Variants in SLCO6A1 observed in about 807,000 individuals in gnomAD.
SLCO6A1 encodes cancer/testis antigen 48.
Under a neutral mutation model 72.7 loss-of-function variants are expected in SLCO6A1, and 65 were observed. That is an observed-to-expected ratio of 0.89 (90% CI 0.73 to 1.10). The LOEUF (loss-of-function observed/expected upper bound fraction) is 1.10. Among genes scored for constraint, SLCO6A1 ranks in the 50% least tolerant of loss-of-function variants. The pLI, the probability that SLCO6A1 is intolerant of heterozygous loss-of-function variation, is 0.00. For missense variants in SLCO6A1, 874 were observed against 872.6 expected (o/e 1.00, Z -0.02); for synonymous variants, 314 against 298.2 (o/e 1.05, Z -0.55).
intron 10 of SLCO6A1, among the ~76,000 whole-genome samples, chr5:102,392,508 G>A (rs1309204281): frequency 6.6e-6 from 1 of 152,028 alleles, no homozygotes; most frequent in African/African-American, 2.4e-5. Flanking sequence ...TTATTCATAA[G>A]TATAATCATT....
At chr5:102,476,056 G>A (rs533149382) in intron 3 of SLCO6A1, among the ~76,000 whole-genome samples, 1 of 152,068 alleles carries the variant, frequency 6.6e-6, no homozygotes, top group Non-Finnish European at 1.5e-5. Flanking sequence ...GGACCAGGGG[G>A]TAATGGTGAG....
chr5:102,474,499 C>T (rs1323293143), intron 4 of SLCO6A1, among the ~76,000 whole-genome samples: 1 of 151,996 alleles, frequency 6.6e-6, no homozygotes, highest in East Asian at 1.9e-4. Context: ...GAGAATGCTT[C>T]ATGCCATTGG....
chr5:102,467,032 T>C (rs1421191240), intron 4 of SLCO6A1, among the ~76,000 whole-genome samples: 1 of 152,162 alleles, frequency 6.6e-6, no homozygotes, highest in Non-Finnish European at 1.5e-5. Context: ...CAGATCTCAA[T>C]CGTCAATTTT....
Position 102,480,217 on chromosome 5 carries a change from G to T in SLCO6A1, c.576C>A (p.Ser192=), listed in dbSNP as rs375167880. The stretch of plus-strand genomic sequence containing the variant: ...TACTTTGTTTATTTTCTTCATTAAT[G>T]GATGGAAAAGCACATAAAAGTGATC... ...GLGSLLCAFP[S]INEENKQSKV... The change falls in exon 2 of 14, where the codon TCC becomes TCA. Residue 192 remains serine (S), a synonymous_variant. Transcript: ENST00000506729. 3.4e-5 allele frequency: 55 copies of T among 1,610,994 alleles called. No individual in the cohort carries two copies. The highest frequency in any genetic ancestry group is 4.4e-5 in the Non-Finnish European group (52 of 1,178,458).
chr5:102,421,270 G>A (rs1748587340), intron 7 of SLCO6A1, among the ~76,000 whole-genome samples: 1 of 152,040 alleles, frequency 6.6e-6, no homozygotes, highest in South Asian at 2.1e-4. Flanking sequence ...CAGTGAGACA[G>A]AACTGTTCAC....
rs796434293 is a variant in SLCO6A1, at chr5:102,450,976, G to T, written c.1131+7406C>A. On this transcript the variant is annotated intron_variant, in intron 6 of 13. Coordinates refer to ENST00000506729, the MANE Select transcript of SLCO6A1 (RefSeq NM_173488.5). Reference sequence around the variant, plus strand: ...GCAGAGGGGCTGTGAGTTGTCTCTGGAATTTCCTTCCCAGAGAAATGCAGA... The same window carrying T: ...GCAGAGGGGCTGTGAGTTGTCTCTGTAATTTCCTTCCCAGAGAAATGCAGA... Among the ~76,000 whole-genome samples, 6 of 152,282 alleles carry T rather than the reference G, an allele frequency of 3.9e-5. 1 individual carries two copies. The highest frequency in any genetic ancestry group is 1.4e-4 in the African/African-American group (6 of 41,562).
Position 102,475,700 on chromosome 5 carries a change from G to A in SLCO6A1, c.896C>T (p.Thr299Ile), listed in dbSNP as rs1188368399. ...AAAAGAAAAAATAATGCCTTACTTTGTTGCAGAAGTAGTATTCTCAGGGAC... is the reference window on the plus strand; with the variant it reads ...AAAAGAAAAAATAATGCCTTACTTTATTGCAGAAGTAGTATTCTCAGGGAC... ...VKVPENTTSA[T>I]NTTVNNGSPE... Residue 299 changes from threonine to isoleucine, a missense_variant, in exon 4 of 14, where the codon ACA (threonine) becomes ATA (isoleucine). Transcript: ENST00000506729. 1.9e-6 allele frequency: 3 copies of A among 1,590,896 alleles called. No individual in the cohort carries two copies. Among genetic ancestry groups the A allele is most frequent in the East Asian group, 4.5e-5 (2 of 44,322 alleles).
At chr5:102,389,423 T>C (rs1746603551) in intron 11 of SLCO6A1, among the ~76,000 whole-genome samples, 1 of 136,432 alleles carries the variant, frequency 7.3e-6, no homozygotes, top group South Asian at 2.3e-4. Flanking sequence ...CAGCCAAAAG[T>C]GAGTGAACAG....
chr5:102,476,954 T>C (rs1170153205), intron 3 of SLCO6A1, among the ~76,000 whole-genome samples: 2 of 152,002 alleles, frequency 1.3e-5, no homozygotes, highest in Non-Finnish European at 2.9e-5. Flanking sequence ...ACAGTACAGG[T>C]TATTCTGAGA....
chr5:102,416,988 A>T (rs879358408), intron 8 of SLCO6A1, among the ~76,000 whole-genome samples: 1 of 152,048 alleles, frequency 6.6e-6, no homozygotes, highest in Non-Finnish European at 1.5e-5. Context: ...ATAGCTGTAA[A>T]TGTCTTCATT....
intron 7 of SLCO6A1, among the ~76,000 whole-genome samples, chr5:102,426,407 TAAAC>T (rs1748896598): frequency 6.6e-6 from 1 of 151,542 alleles, no homozygotes; most frequent in African/African-American, 2.4e-5. Flanking sequence ...ACAAGGAACT[TAAAC>T]AAATTTACAA....
At chr5:102,394,999 G>T (rs920714667) in intron 10 of SLCO6A1, among the ~76,000 whole-genome samples, 1 of 151,634 alleles carries the variant, frequency 6.6e-6, no homozygotes, top group African/African-American at 2.4e-5. Flanking sequence ...CTTACTATTT[G>T]TTTATAAGTC....
intron 6 of SLCO6A1, among the ~76,000 whole-genome samples, chr5:102,441,250 G>A (rs1486915998): frequency 6.6e-6 from 1 of 151,912 alleles, no homozygotes; most frequent in East Asian, 1.9e-4. Context: ...TATTAACCTG[G>A]AAATCACTTT....
At chr5:102,408,230 T>C (rs566765270) in intron 9 of SLCO6A1, among the ~76,000 whole-genome samples, 12 of 144,214 alleles carry the variant, frequency 8.3e-5, no homozygotes, top group Non-Finnish European at 1.7e-4. Flanking sequence ...ATAAAAGTTA[T>C]GTGAAGATTC....
At chr5:102,433,646 G>T (rs925985564) in intron 7 of SLCO6A1, among the ~76,000 whole-genome samples, 7 of 152,148 alleles carry the variant, frequency 4.6e-5, no homozygotes, top group African/African-American at 1.7e-4. Context: ...AGGGGTCAAG[G>T]TGCTCCTGGA....
chr5:102,425,651 C>T (rs1453243754), intron 7 of SLCO6A1, among the ~76,000 whole-genome samples: 1 of 152,166 alleles, frequency 6.6e-6, no homozygotes, highest in East Asian at 1.9e-4. Flanking sequence ...ACATTCCATG[C>T]TCATGGATAG....
intron 1 of SLCO6A1, among the ~76,000 whole-genome samples, chr5:102,492,743 C>T (rs991079045): frequency 8.5e-5 from 13 of 152,304 alleles, no homozygotes; most frequent in East Asian, 3.9e-4. Flanking sequence ...GATTATATCC[C>T]GCTCCTGGCT....
chr5:102,467,608 G>C (rs566814303), intron 4 of SLCO6A1, among the ~76,000 whole-genome samples: 1 of 152,214 alleles, frequency 6.6e-6, no homozygotes. Flanking sequence ...GGTGAGATTT[G>C]TGTAGGGACA....
chr5:102,374,986 T>C (rs1745701078), intron 12 of SLCO6A1, among the ~76,000 whole-genome samples: 1 of 152,062 alleles, frequency 6.6e-6, no homozygotes, highest in Non-Finnish European at 1.5e-5. Flanking sequence ...AGAACTTAAG[T>C]GGAGGTGATC....
Sources: gnomAD v4.1 joint callset for allele counts (sites outside exome capture counted in the v4.1 genomes callset) on GRCh38, gnomAD v4.1.1 for gene constraint, MANE v1.5 for transcripts, NCBI Gene and HGNC (gene_info 2026-07-23, HGNC 2026-07-21) for gene names.